Variants in SGCZ observed in about 807,000 individuals in gnomAD.
SGCZ encodes the protein sarcoglycan zeta.
SGCZ carries 40 observed loss-of-function variants against 41.3 expected under a neutral mutation model. The ratio of observed to expected loss-of-function variants is 0.97; its 90% CI spans 0.75 to 1.26. The LOEUF is 1.26. SGCZ is among the 50% of genes most tolerant of loss of function. The probability of loss-of-function intolerance (pLI) is 0.00; values close to 1 mark genes in which losing one functional copy is unlikely to be tolerated. For missense variants in SGCZ, 552 were observed against 369.8 expected (o/e 1.49, Z -4.04); for synonymous variants, 206 against 137.5 (o/e 1.50, Z -3.49).
chr8:14,387,471 T>G (rs571711146), intron 2 of SGCZ, among the ~76,000 whole-genome samples: 2 of 152,348 alleles, frequency 1.3e-5, no homozygotes, highest in African/African-American at 2.4e-5. Context: ...CAGAATCAGT[T>G]TAAAGTGTTC....
At chr8:15,159,460 C>T (rs1799434243) in intron 1 of SGCZ, among the ~76,000 whole-genome samples, 1 of 152,128 alleles carries the variant, frequency 6.6e-6, no homozygotes, top group Non-Finnish European at 1.5e-5. Context: ...TTGTGACTGG[C>T]ATCCAAAGCT....
chr8:14,975,445 G>A (rs768679676), intron 1 of SGCZ, among the ~76,000 whole-genome samples: 2 of 152,124 alleles, frequency 1.3e-5, no homozygotes, highest in East Asian at 1.9e-4. Flanking sequence ...AACATTCACA[G>A]ACAACAATCT....
intron 1 of SGCZ, among the ~76,000 whole-genome samples, chr8:14,712,665 GC>G (rs1809559718): frequency 6.6e-6 from 1 of 152,130 alleles, no homozygotes; most frequent in African/African-American, 2.4e-5. Context: ...TAGCATGGGG[GC>G]CTTTGAGACA....
At chr8:14,382,660 G>C (rs758264490) in intron 2 of SGCZ, among the ~76,000 whole-genome samples, 1 of 152,162 alleles carries the variant, frequency 6.6e-6, no homozygotes, top group East Asian at 1.9e-4. Flanking sequence ...TTTTTGCTAG[G>C]TGATAAGGTA....
chr8:15,118,551 G>T (rs1448941806), intron 1 of SGCZ, among the ~76,000 whole-genome samples: 1 of 152,124 alleles, frequency 6.6e-6, no homozygotes, highest in Admixed American at 6.5e-5. Flanking sequence ...CCTGTCTGTG[G>T]ATGTGTGCGT....
At chr8:14,731,442 G>A (rs962284357) in intron 1 of SGCZ, among the ~76,000 whole-genome samples, 20 of 151,982 alleles carry the variant, frequency 1.3e-4, no homozygotes, top group African/African-American at 4.8e-4. Context: ...GTAGATGATG[G>A]GTTGATAGGT....
At chr8:15,107,328 T>A (rs140094922) in intron 1 of SGCZ, among the ~76,000 whole-genome samples, 1 of 152,296 alleles carries the variant, frequency 6.6e-6, no homozygotes, top group East Asian at 1.9e-4. Context: ...TAATCCCCAA[T>A]GTGATAATAT....
At chr8:14,191,045 G>A (rs1037367706) in intron 4 of SGCZ, among the ~76,000 whole-genome samples, 1 of 152,130 alleles carries the variant, frequency 6.6e-6, no homozygotes, top group Non-Finnish European at 1.5e-5. Context: ...CATCCTGACA[G>A]GTATGAAGTG....
chr8:14,391,127 A>C (rs771659767), intron 2 of SGCZ, among the ~76,000 whole-genome samples: 5 of 152,144 alleles, frequency 3.3e-5, no homozygotes, highest in Non-Finnish European at 7.4e-5. Context: ...TATGTCCTTA[A>C]TTAAGGCTCT....
In SGCZ at chr8:14,090,248, G is replaced by C; in HGVS notation, c.*195C>G. On this transcript the variant is annotated 3_prime_UTR_variant, in exon 8 of 8. Coordinates refer to ENST00000382080, the MANE Select transcript of SGCZ (RefSeq NM_139167.4). ...CTGACGACGCTTTTTCCACTGCTGT[G>C]TCAATCACACCCTCTGTGTTGAGCA... is the stretch of plus-strand genomic sequence containing the variant. 2.2e-6 allele frequency: 1 copy of C among 462,678 alleles called. No homozygotes were observed. The highest frequency in any genetic ancestry group is 3.8e-5 in the Admixed American group (1 of 26,100). 28.7% of individuals were successfully genotyped at this position (462,678 alleles called of 1,614,324 possible). A position where few individuals can be genotyped will look rare whatever the true frequency, so the allele number is the denominator to read the frequency against.
intron 2 of SGCZ, among the ~76,000 whole-genome samples, chr8:14,432,639 C>A (rs774334676): frequency 6.6e-6 from 1 of 152,098 alleles, no homozygotes; most frequent in Non-Finnish European, 1.5e-5. Flanking sequence ...TACAGCAGGG[C>A]GCATTGGCTC....
At chr8:15,072,210 A>C (rs536109005) in intron 1 of SGCZ, among the ~76,000 whole-genome samples, 2 of 152,242 alleles carry the variant, frequency 1.3e-5, no homozygotes, top group African/African-American at 4.8e-5. Context: ...TTCAGATTAG[A>C]TCTATAGACT....
Position 15,076,049 on chromosome 8 carries a change from T to C in SGCZ, c.39+161536A>G, listed in dbSNP as rs77074969. ...GGTACTATGAGACTATAGCTTCTAA[T>C]AGATACTTAAAATATGAAGCCAGGA... is the stretch of plus-strand genomic sequence containing the variant. On this transcript the variant is annotated intron_variant, in intron 1 of 7. Coordinates refer to ENST00000382080, the MANE Select transcript of SGCZ (RefSeq NM_139167.4). Among the ~76,000 whole-genome samples, 16 of 152,330 alleles carry C rather than the reference T, an allele frequency of 1.1e-4. No individual in the cohort carries two copies. In the East Asian group the frequency reaches 1.2e-3, roughly 11 times the overall value.
intron 1 of SGCZ, among the ~76,000 whole-genome samples, chr8:15,041,024 TA>T (rs1255160146): frequency 6.6e-6 from 1 of 151,990 alleles, no homozygotes; most frequent in Non-Finnish European, 1.5e-5. Flanking sequence ...TCTATTTAAA[TA>T]ATAGAGTAAA....
At chr8:14,963,398 G>A (rs552720682) in intron 1 of SGCZ, among the ~76,000 whole-genome samples, 16 of 151,720 alleles carry the variant, frequency 1.1e-4, no homozygotes, top group Non-Finnish European at 1.9e-4. Context: ...GAGTCCAGCG[G>A]CACAATCTTG....
At chr8:14,400,371 T>G (rs78951363) in intron 2 of SGCZ, among the ~76,000 whole-genome samples, 1 of 152,098 alleles carries the variant, frequency 6.6e-6, no homozygotes, top group Non-Finnish European at 1.5e-5. Flanking sequence ...CTTTGGTAGA[T>G]AGAACATTTA....
At position 14,598,619 on chromosome 8, in the gene SGCZ, C is replaced by G. The variant is rs1051304516; in HGVS notation, c.40-43693G>C. Among the ~76,000 whole-genome samples, 4 of 152,048 alleles carry G rather than the reference C, an allele frequency of 2.6e-5. No homozygotes were observed. In the East Asian group the frequency reaches 5.8e-4, roughly 22 times the overall value. On this transcript the variant is annotated intron_variant, in intron 1 of 7. Transcript: ENST00000382080. Reference sequence around the variant, plus strand: ...GTCAGCTCACTGCAGACTCGACCCCCCCGGGCTCAAGTGATTTCCCACTTG... The same window carrying G: ...GTCAGCTCACTGCAGACTCGACCCCGCCGGGCTCAAGTGATTTCCCACTTG...
intron 3 of SGCZ, among the ~76,000 whole-genome samples, chr8:14,283,146 G>A (rs1275849874): frequency 6.6e-6 from 1 of 151,510 alleles, no homozygotes; most frequent in African/African-American, 2.4e-5. Context: ...ACTGTGCCCA[G>A]CCTCAAATAC....
intron 1 of SGCZ, among the ~76,000 whole-genome samples, chr8:14,668,852 C>A (rs1394319895): frequency 1.3e-5 from 2 of 151,958 alleles, no homozygotes; most frequent in African/African-American, 4.8e-5. Context: ...ATTTGATATC[C>A]TTATACATGG....
Sources: allele counts gnomAD v4.1 joint callset (sites outside exome capture counted in the v4.1 genomes callset), GRCh38; gene constraint gnomAD v4.1.1; transcripts MANE v1.5; gene names NCBI Gene and HGNC (gene_info 2026-07-23, HGNC 2026-07-21).